Variants in STAB2 observed in about 807,000 individuals in gnomAD.
STAB2 encodes stabilin-2.
STAB2 carries 288 observed loss-of-function variants against 338.1 expected under a neutral mutation model. The observed-to-expected ratio is 0.85, with a 90% CI of 0.77 to 0.94. The LOEUF is 0.94. Ranked by LOEUF, STAB2 falls within the 40% of genes least tolerant of loss-of-function variation. The pLI, the probability that STAB2 is intolerant of heterozygous loss-of-function variation, is 0.00. For synonymous variants in STAB2, 1,202 were observed against 1,193.3 expected (o/e 1.01, Z -0.15); for missense variants, 3,141 against 3,210.1 (o/e 0.98, Z 0.52).
At chr12:103,669,700 A>G in intron 21 of STAB2, 73 bp downstream of exon 21, 1 of 1,344,430 alleles carries the variant, frequency 7.4e-7, no homozygotes, top group Non-Finnish European at 1.1e-6. Context: ...CCAAAATGTG[A>G]TATAATGCCA....
intron 12 of STAB2, among the ~76,000 whole-genome samples, chr12:103,653,084 A>T (rs989036829): frequency 1.3e-5 from 2 of 152,084 alleles, no homozygotes; most frequent in Non-Finnish European, 2.9e-5. Flanking sequence ...TTTGTTTTAG[A>T]TTGCTGGAGT....
At chr12:103,598,548 T>G (rs1482111307) in intron 3 of STAB2, among the ~76,000 whole-genome samples, 1 of 152,178 alleles carries the variant, frequency 6.6e-6, no homozygotes, top group Non-Finnish European at 1.5e-5. Context: ...TCAAGCATCA[T>G]TGCTAAGAAT....
chr12:103,673,038 G>A (rs372050414), intron 22 of STAB2, among the ~76,000 whole-genome samples: 23 of 152,274 alleles, frequency 1.5e-4, no homozygotes, highest in African/African-American at 5.3e-4. Flanking sequence ...ATGAGATGGT[G>A]CATGTGGAAG....
chr12:103,696,494 G>T (rs905854906), intron 33 of STAB2, among the ~76,000 whole-genome samples: 1 of 152,152 alleles, frequency 6.6e-6, no homozygotes, highest in Non-Finnish European at 1.5e-5. Flanking sequence ...ATCAGCTTAT[G>T]GTAGTCTTAA....
chr12:103,663,121 A>G, intron 18 of STAB2, 123 bp downstream of exon 18: 2 of 1,240,640 alleles, frequency 1.6e-6, no homozygotes, highest in South Asian at 1.6e-5. Context: ...TTGTCCCCAA[A>G]GGGCTTCCGT....
chr12:103,646,424 G>T (rs1307649343), intron 9 of STAB2, among the ~76,000 whole-genome samples: 2 of 152,048 alleles, frequency 1.3e-5, no homozygotes, highest in African/African-American at 4.8e-5. Flanking sequence ...CATCATGTCA[G>T]CCTTGTCCTT....
Position 103,746,628 on chromosome 12 carries a change from T to C in STAB2, c.6168T>C (p.Ser2056=), listed in dbSNP as rs112021312. Residue 2056 remains serine (S), a synonymous_variant, in exon 58 of 69, where the codon TCT becomes TCC. Coordinates refer to ENST00000388887, the MANE Select transcript of STAB2 (RefSeq NM_017564.10). ...CTGCAGTGTGTACGCCTCCTTGTTCTGCTCATGCCACCTGTAAGGAGAACA... is the reference window on the plus strand; with the variant it reads ...CTGCAGTGTGTACGCCTCCTTGTTCCGCTCATGCCACCTGTAAGGAGAACA... ...VLPAVCTPPC[S]AHATCKENNT... is the part of the protein sequence containing the mutation. 1.7e-5 allele frequency: 28 copies of C among 1,614,176 alleles called. No individual in the cohort carries two copies. The East Asian group carries it at 5.8e-4, about 33-fold the overall frequency.
intron 13 of STAB2, 188 bp downstream of exon 13, chr12:103,654,886 G>A (rs1167768640): frequency 5.7e-6 from 4 of 699,180 alleles, no homozygotes; most frequent in Non-Finnish European, 2.2e-6. Context: ...AAGAAAGCAA[G>A]ACGTACAGTA....
chr12:103,747,455 G>A (rs905207540), intron 58 of STAB2, among the ~76,000 whole-genome samples: 3 of 152,156 alleles, frequency 2.0e-5, no homozygotes, highest in African/African-American at 7.2e-5. Flanking sequence ...CTCTGCCATC[G>A]TTCACTCACC....
chr12:103,739,532 TG>T, intron 54 of STAB2, 64 bp downstream of exon 54: 1 of 199,488 alleles, frequency 5.0e-6, no homozygotes, highest in Non-Finnish European at 8.1e-6. Context: ...CAGACCTGTG[TG>T]TGTGTGTGTG....
intron 3 of STAB2, among the ~76,000 whole-genome samples, chr12:103,617,671 C>G (rs1397094132): frequency 6.6e-6 from 1 of 152,206 alleles, no homozygotes; most frequent in Non-Finnish European, 1.5e-5. Flanking sequence ...CAACCCAAAC[C>G]AATGTCTTGC....
rs868748191 is a variant in STAB2 at position 103,749,023 on chromosome 12, A to G, written c.6305A>G (p.Lys2102Arg). 1.2e-6 allele frequency: 2 copies of G among 1,614,138 alleles called. No homozygotes were observed. Among genetic ancestry groups the G allele is most frequent in the African/African-American group, 2.7e-5 (2 of 75,052 alleles). Residue 2102 changes from lysine to arginine, a missense_variant, in exon 59 of 69, where the codon AAG becomes AGG. By Grantham distance (26) the Lys-to-Arg change is conservative. Transcript: ENST00000388887. ...GCAAAGGTGGCCAGATGCTCCCAGA[A>G]GGGCACGAAGGTCTCCTGCAGCTGC... ...GCAKVARCSQ[K>R]GTKVSCSCQK...
rs1957226718 is a variant in STAB2, at chr12:103,617,342, C to T, written c.332-3126C>T. On this transcript the variant is annotated intron_variant, in intron 3 of 68. Coordinates refer to ENST00000388887, the MANE Select transcript of STAB2 (RefSeq NM_017564.10). ...TCAAACAAGTACGAGTAATTTATTT[C>T]CTGAGTGTTTTAACTGTTACAATAC... 2.6e-5 allele frequency among the ~76,000 whole-genome samples: 4 copies of T among 152,120 alleles called. No homozygotes were observed. The South Asian group carries it at 8.3e-4, about 32-fold the overall frequency.
chr12:103,739,758 C>T (rs567743516), intron 54 of STAB2, among the ~76,000 whole-genome samples: 19 of 152,240 alleles, frequency 1.2e-4, no homozygotes, highest in African/African-American at 4.6e-4. Context: ...AAAATAGCTG[C>T]ATTTTGTTGG....
intron 21 of STAB2, 43 bp from the exon 22 acceptor site, chr12:103,670,653 A>C (rs1875678261): frequency 1.3e-6 from 2 of 1,487,124 alleles, no homozygotes; most frequent in Non-Finnish European, 1.9e-6. Flanking sequence ...ACACCTGAGA[A>C]CTATGTGTCC....
At chr12:103,669,718 T>C in intron 21 of STAB2, 91 bp downstream of exon 21, 6 of 1,170,514 alleles carry the variant, frequency 5.1e-6, no homozygotes, top group Middle Eastern at 2.1e-4. Context: ...CCAGCTACTC[T>C]TCCCAGGAAG....
intron 25 of STAB2, among the ~76,000 whole-genome samples, chr12:103,679,191 C>T (rs562406689): frequency 6.6e-6 from 1 of 152,140 alleles, no homozygotes; most frequent in African/African-American, 2.4e-5. Context: ...GCCTGACCAA[C>T]ATGGAGAAAC....
intron 3 of STAB2, among the ~76,000 whole-genome samples, chr12:103,604,416 A>C (rs543513545): frequency 6.6e-6 from 1 of 152,172 alleles, no homozygotes; most frequent in South Asian, 2.1e-4. Context: ...GATTACCTGG[A>C]AGAGTTTTTG....
At chr12:103,677,157 GATA>G (rs1876459402) in intron 24 of STAB2, among the ~76,000 whole-genome samples, 1 of 152,158 alleles carries the variant, frequency 6.6e-6, no homozygotes, top group Admixed American at 6.5e-5. Context: ...GTAAAATAGA[GATA>G]ATAACAATAC....
Sources: allele counts gnomAD v4.1 joint callset (sites outside exome capture counted in the v4.1 genomes callset), GRCh38; gene constraint gnomAD v4.1.1; transcripts MANE v1.5; gene names NCBI Gene and HGNC (gene_info 2026-07-23, HGNC 2026-07-21).